CHCHD2: variants seen among roughly 807,000 people sequenced by gnomAD.
The protein encoded by CHCHD2 is coiled-coil-helix-coiled-coil-helix domain-containing protein 2.
In CHCHD2, 17 loss-of-function variants were observed where a neutral mutation model predicts 17.5. The ratio of observed to expected loss-of-function variants is 0.97; its 90% CI spans 0.67 to 1.46. The LOEUF is 1.46. Ranked by LOEUF, CHCHD2 falls within the 40% of genes most tolerant of loss-of-function variation. The pLI, the probability that CHCHD2 is intolerant of heterozygous loss-of-function variation, is 0.00. For synonymous variants in CHCHD2, 63 were observed against 74.3 expected, an observed-to-expected ratio of 0.85 and a Z score of 0.78; for missense variants, 175 against 199.9, an observed-to-expected ratio of 0.88 and a Z score of 0.75.
At chr7:56,104,611 ATTTT>A (rs879534226) in intron 1 of CHCHD2, 136 bp from the exon 2 acceptor site, 26 of 847,322 alleles carry the variant, frequency 3.1e-5, no homozygotes, top group Admixed American at 3.5e-5. Context: ...TCTCTCTTCA[ATTTT>A]TTTTTTTTTG....
At position 56,104,239 on chromosome 7, in the gene CHCHD2, T is replaced by C. The variant is rs1488778784; in HGVS notation, c.287A>G (p.Asp96Gly). The C allele has an allele frequency of 2.5e-6, 4 of 1,613,190 alleles. No homozygotes were observed. Among genetic ancestry groups the C allele is most frequent in the East Asian group, 2.2e-5 (1 of 44,852 alleles). Residue 96 changes from aspartate to glycine, a missense_variant, in exon 2 of 4, where the codon GAC becomes GGC. Physicochemically the swap from Asp to Gly is moderately conservative, Grantham distance 94. Coordinates refer to ENST00000395422, the MANE Select transcript of CHCHD2 (RefSeq NM_016139.4). ...CTAAATTCCCACCTGGTAAGTGATGTCAGGCCTCGCAGGCTCAGCATTACT... is the reference window on the plus strand; with the variant it reads ...CTAAATTCCCACCTGGTAAGTGATGCCAGGCCTCGCAGGCTCAGCATTACT... ...GGSNAEPARPDITYQEPQGTQ... is the reference protein window; with the variant it reads ...GGSNAEPARPGITYQEPQGTQ...
At chr7:56,103,062 C>T in intron 2 of CHCHD2, 51 bp from the exon 3 acceptor site, 2 of 1,601,222 alleles carry the variant, frequency 1.2e-6, no homozygotes, top group Non-Finnish European at 1.7e-6. Context: ...CATACTTATG[C>T]CTAGACAATG....
intron 1 of CHCHD2, 90 bp downstream of exon 1, chr7:56,106,274 T>C: frequency 2.3e-6 from 3 of 1,306,238 alleles, no homozygotes; most frequent in Non-Finnish European, 3.2e-6. Context: ...CCGACCTTAG[T>C]TCACCCCCGC....
At position 56,103,006 on chromosome 7, in the gene CHCHD2, A is replaced by G. The variant is rs757902914; in HGVS notation, c.306T>C (p.Pro102=). 3.1e-6 allele frequency: 5 copies of G among 1,614,210 alleles called. No individual in the cohort carries two copies. In the East Asian group the frequency reaches 1.1e-4, roughly 36 times the overall value. Residue 102 remains proline, a synonymous_variant, in exon 3 of 4, where the codon CCT becomes CCC. Transcript: ENST00000395422. ...PARPDITYQE[P]QGTQPAQQQQ... The stretch of plus-strand genomic sequence containing the variant: ...GCTGCTGTGCTGGCTGGGTTCCCTG[A>G]GGCTCCTGCAAAGGCAAAACATTCA...
intron 3 of CHCHD2, 39 bp downstream of exon 3, chr7:56,102,828 C>A (rs760408306): frequency 6.2e-7 from 1 of 1,607,410 alleles, no homozygotes; most frequent in African/African-American, 1.3e-5. Context: ...AGGAATTCCA[C>A]TGTGAATTAA....
chr7:56,104,847 T>A (rs1416437871), intron 1 of CHCHD2, among the ~76,000 whole-genome samples: 1 of 152,022 alleles, frequency 6.6e-6, no homozygotes, highest in African/African-American at 2.4e-5. Flanking sequence ...TGACCTCAGG[T>A]GATCCACCCG....
At chr7:56,104,501 A>T in intron 1 of CHCHD2, 26 bp from the exon 2 acceptor site, 1 of 1,523,846 alleles carries the variant, frequency 6.6e-7, no homozygotes, top group Non-Finnish European at 8.9e-7. Flanking sequence ...AAAAAACATC[A>T]AGTTCCCAAT....
intron 1 of CHCHD2, 27 bp downstream of exon 1, chr7:56,106,337 T>C (rs200342583): frequency 1.1e-5 from 18 of 1,609,694 alleles, no homozygotes; most frequent in Non-Finnish European, 8.5e-7. Flanking sequence ...GGCCGCGCTT[T>C]GGTCTCAAAC....
At chr7:56,104,856 C>T (rs1785355185) in intron 1 of CHCHD2, among the ~76,000 whole-genome samples, 2 of 152,022 alleles carry the variant, frequency 1.3e-5, no homozygotes, top group African/African-American at 2.4e-5. Flanking sequence ...GTGATCCACC[C>T]GCCTCGGACT....
chr7:56,104,756 C>A (rs192823829), intron 1 of CHCHD2, among the ~76,000 whole-genome samples: 9 of 151,990 alleles, frequency 5.9e-5, no homozygotes, highest in Middle Eastern at 3.4e-3. Flanking sequence ...TACAGGCACC[C>A]GCGACCACCT....
At chr7:56,105,492 A>T (rs1785366897) in intron 1 of CHCHD2, among the ~76,000 whole-genome samples, 1 of 152,236 alleles carries the variant, frequency 6.6e-6, no homozygotes, top group Non-Finnish European at 1.5e-5. Context: ...TAATTAACAT[A>T]GGCTGCGGAG....
At chr7:56,103,523 G>A (rs1785324125) in intron 2 of CHCHD2, among the ~76,000 whole-genome samples, 1 of 152,168 alleles carries the variant, frequency 6.6e-6, no homozygotes, top group Admixed American at 6.6e-5. Context: ...CAAACTTCTG[G>A]GTTCAAGCAA....
intron 1 of CHCHD2, among the ~76,000 whole-genome samples, chr7:56,105,848 C>A (rs1477116243): frequency 6.6e-6 from 1 of 152,110 alleles, no homozygotes; most frequent in Admixed American, 6.6e-5. Context: ...ATAATCTAGT[C>A]CAATTCCTTC....
At chr7:56,106,332 C>T (rs755053648) in intron 1 of CHCHD2, 32 bp downstream of exon 1, 3 of 1,608,400 alleles carry the variant, frequency 1.9e-6, no homozygotes, top group East Asian at 2.2e-5. Flanking sequence ...CGGACGGCCG[C>T]GCTTTGGTCT....
intron 1 of CHCHD2, among the ~76,000 whole-genome samples, chr7:56,105,377 C>T (rs777589858): frequency 6.6e-6 from 1 of 152,226 alleles, no homozygotes; most frequent in Non-Finnish European, 1.5e-5. Flanking sequence ...TTACAGGATT[C>T]ATTCATTCAA....
At chr7:56,101,977 T>G (rs1785292972) in intron 3 of CHCHD2, 116 bp from the exon 4 acceptor site, 8 of 995,326 alleles carry the variant, frequency 8.0e-6, no homozygotes, top group Non-Finnish European at 1.1e-5. Context: ...TTTTTTGTTT[T>G]TTGTTTTTTT....
Position 56,102,913 on chromosome 7 carries a change from G to C in CHCHD2, c.399C>G (p.Leu133=), listed in dbSNP as rs535568444. ...TCAGCACCTCATTGAAACCCTCACA[G>C]AGCTTGATGTCACCCTGGTTCTGGG... ...ECAQNQGDIK[L]CEGFNEVLKQ... is the part of the protein sequence containing the mutation. The change falls in exon 3 of 4, where the codon CTC becomes CTG. Residue 133 remains leucine, a synonymous_variant. Coordinates refer to ENST00000395422, the MANE Select transcript of CHCHD2 (RefSeq NM_016139.4). 1.2e-6 allele frequency: 2 copies of C among 1,613,948 alleles called. No individual in the cohort carries two copies. Among genetic ancestry groups the C allele is most frequent in the African/African-American group, 2.7e-5 (2 of 74,930 alleles).
At chr7:56,103,160 A>G (rs1280893290) in intron 2 of CHCHD2, 149 bp from the exon 3 acceptor site, 3 of 757,118 alleles carry the variant, frequency 4.0e-6, no homozygotes, top group Non-Finnish European at 6.4e-6. Flanking sequence ...ATGGGAAGTG[A>G]AAACATTTAA....
chr7:56,102,467 A>G (rs1785305389), intron 3 of CHCHD2, among the ~76,000 whole-genome samples: 2 of 152,058 alleles, frequency 1.3e-5, no homozygotes, highest in African/African-American at 4.8e-5. Flanking sequence ...CCCGGGTTCA[A>G]GCAATTCTCC....
Sources: gnomAD v4.1 joint callset for allele counts (sites outside exome capture counted in the v4.1 genomes callset) on GRCh38, gnomAD v4.1.1 for gene constraint, MANE v1.5 for transcripts, NCBI Gene and HGNC (gene_info 2026-07-23, HGNC 2026-07-21) for gene names.